The following ULK2 variants were observed in gnomAD, a reference collection of about 807,000 sequenced individuals.
ULK2 encodes the protein serine/threonine-protein kinase ULK2.
ULK2 carries 76 observed loss-of-function variants against 127.5 expected under a neutral mutation model. The ratio of observed to expected loss-of-function variants is 0.60; its 90% CI spans 0.50 to 0.72. The LOEUF is 0.72. Ranked by LOEUF, ULK2 falls within the 30% of genes least tolerant of loss-of-function variation. The pLI is 0.00. For synonymous variants in ULK2, 452 were observed against 461.9 expected, an observed-to-expected ratio of 0.98 and a Z score of 0.28; for missense variants, 1,144 against 1,295.9, an observed-to-expected ratio of 0.88 and a Z score of 1.80.
chr17:19,856,599 A>T (rs931589050), intron 3 of ULK2, among the ~76,000 whole-genome samples: 1 of 151,250 alleles, frequency 6.6e-6, no homozygotes, highest in African/African-American at 2.4e-5. Flanking sequence ...AAAAAAAAAA[A>T]GTTTGAAATT....
At chr17:19,785,859 T>C (rs999016834) in intron 21 of ULK2, 78 bp downstream of exon 21, 4 of 1,533,528 alleles carry the variant, frequency 2.6e-6, no homozygotes. Context: ...CTTGTCCAAG[T>C]TACAACACTG....
chr17:19,795,147 T>C (rs563953283), intron 20 of ULK2, among the ~76,000 whole-genome samples: 28 of 152,086 alleles, frequency 1.8e-4, no homozygotes, highest in African/African-American at 6.7e-4. Context: ...AGAATCTCCA[T>C]TTTGTTTTTG....
intron 11 of ULK2, 56 bp from the exon 12 acceptor site, chr17:19,825,238 G>A: frequency 2.0e-6 from 3 of 1,494,220 alleles, no homozygotes; most frequent in Non-Finnish European, 2.8e-6. Flanking sequence ...CACATGACCT[G>A]TATAACAGAA....
chr17:19,781,233 CTTTCT>C (rs1311976923), intron 23 of ULK2, 129 bp from the exon 24 acceptor site: 34 of 546,544 alleles, frequency 6.2e-5, no homozygotes, highest in African/African-American at 2.2e-4. Flanking sequence ...TTCTTTTCTT[CTTTCT>C]TTTCTTTTTT....
intron 17 of ULK2, 124 bp from the exon 18 acceptor site, chr17:19,797,806 C>T: frequency 2.1e-6 from 2 of 966,504 alleles, no homozygotes; most frequent in Admixed American, 3.9e-5. Flanking sequence ...ATAAGACATT[C>T]TAAAAGTGAT....
At chr17:19,825,883 G>A (rs1406830641) in intron 11 of ULK2, among the ~76,000 whole-genome samples, 1 of 151,486 alleles carries the variant, frequency 6.6e-6, no homozygotes, top group Non-Finnish European at 1.5e-5. Flanking sequence ...CTACTCCAGA[G>A]GCTGAGGCAG....
intron 10 of ULK2, among the ~76,000 whole-genome samples, chr17:19,831,563 G>A (rs944436074): frequency 3.3e-5 from 5 of 152,144 alleles, no homozygotes; most frequent in Admixed American, 2.0e-4. Flanking sequence ...CGTGCCCCAC[G>A]CCTATAATCC....
chr17:19,799,160 CAA>C (rs899604997), intron 17 of ULK2, among the ~76,000 whole-genome samples: 34 of 68,606 alleles, frequency 5.0e-4, no homozygotes, highest in Admixed American at 8.2e-4. Flanking sequence ...GACTCCATTT[CAA>C]AAAAAAAAAA....
intron 3 of ULK2, among the ~76,000 whole-genome samples, chr17:19,858,404 A>C (rs964290726): frequency 2.0e-5 from 3 of 152,026 alleles, no homozygotes; most frequent in African/African-American, 7.3e-5. Flanking sequence ...TGTCTCAAAA[A>C]AGAAAAAAAA....
intron 10 of ULK2, among the ~76,000 whole-genome samples, chr17:19,833,278 C>T (rs1191483651): frequency 6.6e-6 from 1 of 151,938 alleles, no homozygotes; most frequent in African/African-American, 2.4e-5. Context: ...ATGGCCCATA[C>T]ACAGGGGAAC....
At chr17:19,832,807 G>A (rs761082393) in intron 10 of ULK2, among the ~76,000 whole-genome samples, 5 of 152,100 alleles carry the variant, frequency 3.3e-5, no homozygotes, top group African/African-American at 4.8e-5. Flanking sequence ...CGCAGATTTC[G>A]TCCACGCAAG....
chr17:19,835,595 T>C (rs938485352), intron 10 of ULK2, among the ~76,000 whole-genome samples: 2 of 150,622 alleles, frequency 1.3e-5, no homozygotes, highest in African/African-American at 4.9e-5. Context: ...CAGGCACCTG[T>C]AGCCCCAGCT....
chr17:19,786,028 G>A lies in ULK2; in HGVS notation c.2160C>T (p.Ser720=). The change falls in exon 21 of 27, where the codon TCC becomes TCT. Residue 720 remains serine (S), a synonymous_variant. Coordinates refer to ENST00000395544, the MANE Select transcript of ULK2 (RefSeq NM_014683.4). ...LAPPAGTAAS[S]KAVLFTVGSP... is the part of the protein sequence containing the mutation. The stretch of plus-strand genomic sequence containing the variant: ...ACCCTACAGTGAAGAGGACAGCCTT[G>A]GAACTTGCTGCTGTACCTGCAGGAG... 6.3e-7 allele frequency: 1 copy of A among 1,575,580 alleles called. No homozygotes were observed. Among genetic ancestry groups the A allele is most frequent in the Non-Finnish European group, 8.6e-7 (1 of 1,167,182 alleles).
intron 10 of ULK2, among the ~76,000 whole-genome samples, chr17:19,829,001 G>A (rs1259825661): frequency 6.6e-6 from 1 of 152,214 alleles, no homozygotes; most frequent in East Asian, 1.9e-4. Flanking sequence ...TCGGGACACA[G>A]AGGTTGCAGT....
chr17:19,807,853 T>G (rs1056550120), intron 14 of ULK2, among the ~76,000 whole-genome samples: 2 of 152,048 alleles, frequency 1.3e-5, no homozygotes, highest in African/African-American at 4.8e-5. Flanking sequence ...TACATCAAAT[T>G]GTTTAAGGTT....
intron 3 of ULK2, among the ~76,000 whole-genome samples, chr17:19,854,552 C>T (rs1432736232): frequency 6.6e-6 from 1 of 152,108 alleles, no homozygotes; most frequent in African/African-American, 2.4e-5. Context: ...TAGATATCCT[C>T]AAAAACAGGT....
At chr17:19,785,867 C>T (rs1162091190) in intron 21 of ULK2, 70 bp downstream of exon 21, 13 of 1,551,686 alleles carry the variant, frequency 8.4e-6, no homozygotes, top group African/African-American at 7.1e-5. Context: ...AGTTACAACA[C>T]TGAGTCATTT....
intron 3 of ULK2, among the ~76,000 whole-genome samples, chr17:19,851,754 G>A (rs573564296): frequency 6.6e-6 from 1 of 152,150 alleles, no homozygotes; most frequent in Non-Finnish European, 1.5e-5. Context: ...GCCGGGTGCG[G>A]TGGTTCACGA....
intron 12 of ULK2, among the ~76,000 whole-genome samples, chr17:19,821,885 C>T (rs1048008999): frequency 6.6e-6 from 1 of 152,016 alleles, no homozygotes; most frequent in African/African-American, 2.4e-5. Context: ...GGGATTTCAC[C>T]ATGTTGCCCA....
Sources: allele counts gnomAD v4.1 joint callset (sites outside exome capture counted in the v4.1 genomes callset), GRCh38; gene constraint gnomAD v4.1.1; transcripts MANE v1.5; gene names NCBI Gene and HGNC (gene_info 2026-07-23, HGNC 2026-07-21).